Variants in SUN5 observed in about 807,000 individuals in gnomAD.
The protein encoded by SUN5 is SUN domain-containing protein 5.
A neutral mutation model predicts 53.7 loss-of-function variants in SUN5; 44 were observed. The observed-to-expected ratio is 0.82, with a 90% CI of 0.64 to 1.05. The LOEUF (loss-of-function observed/expected upper bound fraction) is 1.05, where lower values mean the gene tolerates loss of function less well. Ranked by LOEUF, SUN5 falls within the 50% of genes least tolerant of loss-of-function variation. The probability of loss-of-function intolerance (pLI) is 0.00; values close to 1 mark genes in which losing one functional copy is unlikely to be tolerated. For synonymous variants in SUN5, 166 were observed against 179.8 expected (o/e 0.92, Z 0.62); for missense variants, 433 against 483.8 (o/e 0.90, Z 0.98).
intron 5 of SUN5, among the ~76,000 whole-genome samples, chr20:32,998,067 G>A (rs1054924365): frequency 1.3e-5 from 2 of 151,044 alleles, no homozygotes; most frequent in African/African-American, 4.9e-5. Flanking sequence ...GGCCAGGTGT[G>A]GTGGCTCACG....
At position 32,989,633 on chromosome 20, in the gene SUN5, G is replaced by A. The variant is rs747980213; in HGVS notation, c.600C>T (p.Ala200=). ...HGDYIEKPDF[A]LKSIGASIDF... is the part of the protein sequence containing the mutation. The stretch of plus-strand genomic sequence containing the variant: ...GGGGTCACCTACCTATAGACTTCAG[G>A]GCAAAGTCTGGCTTTTCGATGTAAT... Residue 200 remains alanine, a synonymous_variant, in exon 9 of 13, where the codon GCC becomes GCT. Coordinates refer to ENST00000356173, the MANE Select transcript of SUN5 (RefSeq NM_080675.4). The A allele has an allele frequency of 1.2e-6, 2 of 1,613,774 alleles. No individual in the cohort carries two copies. The highest frequency in any genetic ancestry group is 2.2e-5 in the South Asian group (2 of 91,038).
intron 8 of SUN5, among the ~76,000 whole-genome samples, chr20:32,991,948 G>A (rs1284125908): frequency 1.3e-5 from 2 of 152,210 alleles, no homozygotes. Context: ...GTATGGTTGT[G>A]CACGTTGCGC....
chr20:33,002,092 AG>A (rs1275011629), intron 3 of SUN5, among the ~76,000 whole-genome samples: 1 of 152,168 alleles, frequency 6.6e-6, no homozygotes, highest in African/African-American at 2.4e-5. Flanking sequence ...GGCAAAAAGT[AG>A]GGGACTCAGA....
intron 3 of SUN5, 84 bp downstream of exon 3, chr20:33,002,503 A>G: frequency 7.2e-7 from 1 of 1,390,508 alleles, no homozygotes; most frequent in Non-Finnish European, 1.0e-6. Context: ...AGGCATTGCC[A>G]CCCCCAGGTC....
At chr20:33,001,545 T>A (rs1278329490) in intron 3 of SUN5, among the ~76,000 whole-genome samples, 2 of 135,036 alleles carry the variant, frequency 1.5e-5, no homozygotes, top group Non-Finnish European at 3.0e-5. Flanking sequence ...TTTCTTTCTT[T>A]CTTTCTTTCT....
At chr20:32,995,504 G>A in intron 8 of SUN5, 115 bp downstream of exon 8, 1 of 802,194 alleles carries the variant, frequency 1.2e-6, no homozygotes, top group Non-Finnish European at 2.1e-6. Context: ...AGTCACTGGG[G>A]GATGTGCTCC....
intron 7 of SUN5, 50 bp from the exon 8 acceptor site, chr20:32,995,777 T>G (rs1989832260): frequency 6.5e-7 from 1 of 1,538,870 alleles, no homozygotes; most frequent in African/African-American, 1.4e-5. Context: ...TGATGCGTTG[T>G]TGTTACCCTC....
chr20:32,997,673 A>G lies in SUN5; in HGVS notation c.355T>C (p.Ser119Pro). Residue 119 changes from serine (S) to proline (P), a missense_variant, in exon 6 of 13, where the codon TCT (serine) becomes CCT (proline). Coordinates refer to ENST00000356173, the MANE Select transcript of SUN5 (RefSeq NM_080675.4). Reference sequence around the variant, plus strand: ...TTCATTTTCGATGGTAAGTGAATAGAAAACATCCAGAATCCTGTGAGGCCA... The same window carrying G: ...TTCATTTTCGATGGTAAGTGAATAGGAAACATCCAGAATCCTGTGAGGCCA... ...LLCAFGFWMF[S>P]IHLPSKMKVW... 1 of 1,614,098 alleles carries G rather than the reference A, an allele frequency of 6.2e-7. No individual in the cohort carries two copies.
rs1056910463 is a variant in SUN5, at chr20:32,995,862, C to T, written c.426-135G>A. ...CTAATCTCTTGGGCCCATCCCTGGA[C>T]CCATTCATCAGGTTATTATCTCTAA... On this transcript the variant is annotated intron_variant, in intron 7 of 12. Transcript: ENST00000356173. The T allele has an allele frequency of 3.5e-5, 26 of 736,012 alleles. No individual in the cohort carries two copies. In the African/African-American group the frequency reaches 4.2e-4, roughly 12 times the overall value. The allele number at this position is 736,012 out of a possible 1,614,324, so 45.6% of individuals were successfully genotyped here. A position where few individuals can be genotyped will look rare whatever the true frequency, so the allele number is the denominator to read the frequency against.
At chr20:32,993,996 C>G (rs1989774355) in intron 8 of SUN5, among the ~76,000 whole-genome samples, 1 of 152,216 alleles carries the variant, frequency 6.6e-6, no homozygotes. Context: ...CAAGTTTGCT[C>G]CTGGCGGAGA....
At chr20:33,002,835 A>T (rs1178255627) in intron 2 of SUN5, 26 bp downstream of exon 2, 1 of 1,613,454 alleles carries the variant, frequency 6.2e-7, no homozygotes, top group East Asian at 2.2e-5. Flanking sequence ...GCCCATGAAA[A>T]TACCAGGGCA....
chr20:32,993,649 T>C (rs140795125), intron 8 of SUN5, among the ~76,000 whole-genome samples: 2 of 152,306 alleles, frequency 1.3e-5, no homozygotes, highest in Admixed American at 1.3e-4. Context: ...GAAGTCCCTT[T>C]GAGGGAGGGC....
intron 1 of SUN5, 25 bp from the exon 2 acceptor site, chr20:33,002,944 G>T (rs369376320): frequency 1.2e-6 from 2 of 1,613,262 alleles, no homozygotes; most frequent in East Asian, 2.2e-5. Flanking sequence ...ATTCATAGTC[G>T]CATTTTACAA....
intron 10 of SUN5, among the ~76,000 whole-genome samples, chr20:32,986,324 G>A (rs547170840): frequency 6.6e-6 from 1 of 152,342 alleles, no homozygotes; most frequent in South Asian, 2.1e-4. Flanking sequence ...CTGGTCCAGG[G>A]CCATGCAGAG....
chr20:33,003,240 T>C lies in SUN5; in HGVS notation c.78-321A>G, dbSNP rs141955758. 2.0e-5 allele frequency among the ~76,000 whole-genome samples: 3 copies of C among 152,310 alleles called. No individual in the cohort carries two copies. In the East Asian group the frequency reaches 5.8e-4, roughly 29 times the overall value. Reference sequence around the variant, plus strand: ...TTTGATTGGTCGAAGCCTGCTGTCGTGCTCCCATTCCCTGTGCTGTGATTG... The same window carrying C: ...TTTGATTGGTCGAAGCCTGCTGTCGCGCTCCCATTCCCTGTGCTGTGATTG... On this transcript the variant is annotated intron_variant, in intron 1 of 12. Coordinates refer to ENST00000356173, the MANE Select transcript of SUN5 (RefSeq NM_080675.4).
At chr20:32,989,822 C>T in intron 8 of SUN5, 124 bp from the exon 9 acceptor site, 1 of 754,386 alleles carries the variant, frequency 1.3e-6, no homozygotes, top group Middle Eastern at 3.1e-4. Flanking sequence ...CCACCCCTGC[C>T]TGTGGAAGCC....
intron 6 of SUN5, among the ~76,000 whole-genome samples, chr20:32,997,234 G>A (rs570253797): frequency 1.3e-5 from 2 of 152,296 alleles, no homozygotes; most frequent in East Asian, 1.9e-4. Flanking sequence ...AGGGAGTTTC[G>A]CTACTTATTT....
At chr20:32,993,060 T>G (rs1329341899) in intron 8 of SUN5, among the ~76,000 whole-genome samples, 2 of 151,472 alleles carry the variant, frequency 1.3e-5, no homozygotes, top group African/African-American at 4.8e-5. Flanking sequence ...CCAAGATCAA[T>G]AAGTATATAT....
intron 7 of SUN5, 92 bp from the exon 8 acceptor site, chr20:32,995,819 A>G: frequency 8.5e-7 from 1 of 1,172,468 alleles, no homozygotes; most frequent in Non-Finnish European, 1.3e-6. Flanking sequence ...GCTCTCAAAG[A>G]ATGAGTTTCA....
Sources: allele counts gnomAD v4.1 joint callset (sites outside exome capture counted in the v4.1 genomes callset), GRCh38; gene constraint gnomAD v4.1.1; transcripts MANE v1.5; gene names NCBI Gene and HGNC (gene_info 2026-07-23, HGNC 2026-07-21).